The following CERK variants were observed in gnomAD, a reference collection of about 807,000 sequenced individuals.
CERK encodes the protein ceramide kinase, also known as acylsphingosine kinase.
Under a neutral mutation model 63.4 loss-of-function variants are expected in CERK, and 39 were observed. The observed-to-expected ratio is 0.61, with a 90% CI of 0.48 to 0.80. The LOEUF is 0.80. CERK is among the 30% of genes least tolerant of loss of function. The probability of loss-of-function intolerance (pLI) is 0.00; values close to 1 mark genes in which losing one functional copy is unlikely to be tolerated. For missense variants in CERK, 670 were observed against 714.1 expected (o/e 0.94, Z 0.70); for synonymous variants, 302 against 280.0 (o/e 1.08, Z -0.78).
intron 5 of CERK, 90 bp from the exon 6 acceptor site, chr22:46,708,078 C>G: frequency 9.3e-6 from 13 of 1,398,906 alleles, no homozygotes; most frequent in Non-Finnish European, 1.1e-5. Flanking sequence ...GGAGGGGCAG[C>G]CTGCACACCT....
rs999110780 is a variant in CERK, at chr22:46,687,523, C to T, written c.1542-317G>A. Among the ~76,000 whole-genome samples, 8 of 152,338 alleles carry T rather than the reference C, an allele frequency of 5.3e-5. 1 individual carries two copies. The Middle Eastern group carries it at 0.01, about 194-fold the overall frequency. The stretch of plus-strand genomic sequence containing the variant: ...GAAATCTGGGCATCGGTAGACCTGA[C>T]TCGAACTCCAGCACCCCCATGGAAA... On this transcript the variant is annotated intron_variant, in intron 12 of 12. Transcript: ENST00000216264.
chr22:46,692,262 C>T (rs2082735579), intron 10 of CERK, among the ~76,000 whole-genome samples: 1 of 149,856 alleles, frequency 6.7e-6, no homozygotes, highest in Non-Finnish European at 1.5e-5. Context: ...ACCATCTCTA[C>T]TAAAAATACA....
chr22:46,725,515 A>C (rs1265329084), intron 1 of CERK, among the ~76,000 whole-genome samples: 1 of 152,230 alleles, frequency 6.6e-6, no homozygotes, highest in South Asian at 2.1e-4. Context: ...ATGCCACAGC[A>C]TCCGCGGGAG....
intron 3 of CERK, among the ~76,000 whole-genome samples, chr22:46,715,444 C>A (rs1158829156): frequency 6.6e-6 from 1 of 152,138 alleles, no homozygotes; most frequent in Non-Finnish European, 1.5e-5. Flanking sequence ...TATACACAAA[C>A]AATAAAAAAT....
At chr22:46,710,661 C>T (rs1428712610) in intron 5 of CERK, among the ~76,000 whole-genome samples, 1 of 152,122 alleles carries the variant, frequency 6.6e-6, no homozygotes. Flanking sequence ...ATAAATATGG[C>T]ATGCCCACAT....
rs552981856 is a variant in CERK at position 46,696,206 on chromosome 22, C to CTAGGAGA, written c.944-892_944-891insTCTCCTA. 3.2e-3 allele frequency among the ~76,000 whole-genome samples: 484 copies of CTAGGAGA among 152,326 alleles called. 2 individuals are homozygous for CTAGGAGA. The highest frequency in any genetic ancestry group is 0.011 in the African/African-American group (444 of 41,582). The stretch of plus-strand genomic sequence containing the variant: ...TCTGGCTCCTAGGACATCTGTGTGC[C>CTAGGAGA]TGAAAGTCAGCTCCCGACTGTCCCT... On this transcript the variant is annotated intron_variant, in intron 8 of 12. Transcript: ENST00000216264.
In CERK at chr22:46,694,345, G is replaced by A. The variant is rs1047313419; in HGVS notation, c.1050-842C>T. Among the ~76,000 whole-genome samples, 24 of 152,256 alleles carry A rather than the reference G, an allele frequency of 1.6e-4. 1 individual carries two copies. Among genetic ancestry groups the A allele is most frequent in the Admixed American group, 8.5e-4 (13 of 15,292 alleles). ...ATTTAAGGTTCTATTTACACTGGTC[G>A]CATATTACTGAATACACTGTGTGGG... On this transcript the variant is annotated intron_variant, in intron 9 of 12. Coordinates refer to ENST00000216264, the MANE Select transcript of CERK (RefSeq NM_022766.6).
At chr22:46,691,021 GTA>G (rs565877785) in intron 11 of CERK, among the ~76,000 whole-genome samples, 5 of 142,412 alleles carry the variant, frequency 3.5e-5, no homozygotes, top group East Asian at 4.1e-4. Flanking sequence ...ACACATATAT[GTA>G]TATATACACA....
At chr22:46,692,329 G>T (rs1281230725) in intron 10 of CERK, among the ~76,000 whole-genome samples, 1 of 151,634 alleles carries the variant, frequency 6.6e-6, no homozygotes, top group Non-Finnish European at 1.5e-5. Flanking sequence ...GGGAAGCTGA[G>T]GCAGGAGAAC....
At chr22:46,728,122 C>T (rs183096645) in intron 1 of CERK, among the ~76,000 whole-genome samples, 8 of 152,206 alleles carry the variant, frequency 5.3e-5, no homozygotes, top group East Asian at 3.9e-4. Flanking sequence ...AGACGACACC[C>T]GCAGAACTGA....
At chr22:46,737,304 AAAC>A (rs1242524069) in intron 1 of CERK, among the ~76,000 whole-genome samples, 2 of 141,490 alleles carry the variant, frequency 1.4e-5, no homozygotes, top group African/African-American at 5.5e-5. Context: ...AAAAAAAAAA[AAAC>A]AAAAAACAAA....
At position 46,699,461 on chromosome 22, in the gene CERK, G is replaced by A; in HGVS notation, c.795C>T (p.Asp265=). Residue 265 remains aspartate (D), a synonymous_variant, in exon 8 of 13, where the codon GAC becomes GAT. Transcript: ENST00000216264. ...CTGAGGACACATCCATGGCCAGCGA[G>A]TCCCCTGTGGGAGAGAACGGCCGTG... The part of the protein sequence containing the change: ...ETSALHIVVG[D]SLAMDVSSVH... 1 of 1,614,100 alleles carries A rather than the reference G, an allele frequency of 6.2e-7. No homozygotes were observed. The highest frequency in any genetic ancestry group is 1.1e-5 in the South Asian group (1 of 91,078).
At chr22:46,719,198 C>CTTTTA (rs200306560) in intron 3 of CERK, among the ~76,000 whole-genome samples, 19,192 of 151,358 alleles carry the variant, frequency 0.13, 1,545 homozygotes, top group African/African-American at 0.23. Context: ...TTTTTTTAAA[C>CTTTTA]TTTTAAGTTC....
chr22:46,691,461 G>T, intron 11 of CERK, 111 bp downstream of exon 11: 3 of 864,810 alleles, frequency 3.5e-6, no homozygotes, highest in Non-Finnish European at 3.5e-6. Flanking sequence ...AAAAAAGTTT[G>T]CCCTTCCTTC....
In CERK at chr22:46,690,119, G is replaced by A. The variant is rs145587785; in HGVS notation, c.1414C>T (p.Leu472Phe). ...AAGCGCTTCTTCCCCCCCTCCTTGA[G>A]GTCGCTGTCCTCATCCTCCATGTGC... The part of the protein sequence containing the change: ...SKHMEDEDSD[L>F]KEGGKKRFGH... Residue 472 changes from leucine (L) to phenylalanine (F), a missense_variant, in exon 12 of 13, where the codon CTC (leucine) becomes TTC (phenylalanine). Physicochemically the swap from Leu to Phe is conservative, Grantham distance 22. Transcript: ENST00000216264. The A allele has an allele frequency of 4.2e-4, 685 of 1,614,078 alleles. 2 individuals carry two copies. Among genetic ancestry groups the A allele is most frequent in the Admixed American group, 4.8e-4 (29 of 60,012 alleles).
chr22:46,725,407 C>T (rs930769504), intron 1 of CERK, among the ~76,000 whole-genome samples: 1 of 152,032 alleles, frequency 6.6e-6, no homozygotes, highest in African/African-American at 2.4e-5. Context: ...CAGAAGAATG[C>T]GGACGGTCCT....
chr22:46,711,502 A>G (rs1476382741), intron 4 of CERK, among the ~76,000 whole-genome samples: 1 of 152,238 alleles, frequency 6.6e-6, no homozygotes, highest in Non-Finnish European at 1.5e-5. Context: ...GTGTAGTAAG[A>G]AGATGTTAGT....
intron 7 of CERK, among the ~76,000 whole-genome samples, chr22:46,700,522 T>A (rs1012343520): frequency 6.6e-6 from 1 of 152,128 alleles, no homozygotes; most frequent in African/African-American, 2.4e-5. Context: ...GCCCAGGAGT[T>A]TGAGACACAG....
intron 1 of CERK, among the ~76,000 whole-genome samples, chr22:46,731,726 G>A (rs935533922): frequency 2.0e-5 from 3 of 152,168 alleles, no homozygotes; most frequent in African/African-American, 4.8e-5. Context: ...CGTGTGCCCC[G>A]GGAGCAGGTG....
Sources: gnomAD v4.1 joint callset for allele counts (sites outside exome capture counted in the v4.1 genomes callset) on GRCh38, gnomAD v4.1.1 for gene constraint, MANE v1.5 for transcripts, NCBI Gene and HGNC (gene_info 2026-07-23, HGNC 2026-07-21) for gene names.